The following RMP64 variants were observed in gnomAD, a reference collection of about 807,000 sequenced individuals.
The protein encoded by RMP64 is ribonuclease MRP subunit p64.
the RMP64 span, chr3:113,008,316 C>T: frequency 6.2e-7 from 1 of 1,614,114 alleles, no homozygotes; most frequent in South Asian, 1.1e-5. Flanking sequence ...AAGGACTCAG[C>T]CTCTCGGAAT....
chr3:113,013,516 G>A, the RMP64 span: 2 of 974,538 alleles, frequency 2.1e-6, no homozygotes, highest in Non-Finnish European at 3.0e-6. Flanking sequence ...ACAAAGGATT[G>A]AAACAAAGAG....
chr3:113,005,706 A>G, the RMP64 span: 1 of 1,614,070 alleles, frequency 6.2e-7, no homozygotes, highest in Non-Finnish European at 8.5e-7. Context: ...ACAGGCATTG[A>G]AACTCCACTA....
At chr3:113,010,683 A>ACATCAAAT in the RMP64 span, 1 of 1,613,632 alleles carries the variant, frequency 6.2e-7, no homozygotes, top group Non-Finnish European at 8.5e-7. Context: ...GAAAGCCCTC[A>ACATCAAAT]CATCAAATTC....
the RMP64 span, chr3:113,005,439 T>C: frequency 1.3e-6 from 1 of 759,570 alleles, no homozygotes; most frequent in South Asian, 1.7e-5. Flanking sequence ...GCAGCTCCTC[T>C]GTGAGTCCAG....
the RMP64 span, among the ~76,000 whole-genome samples, chr3:113,018,867 C>A: frequency 1.3e-5 from 2 of 152,298 alleles, no homozygotes; most frequent in East Asian, 3.9e-4. Flanking sequence ...ATGACTCCTT[C>A]AAGCTCCAGC....
the RMP64 span, chr3:113,013,953 T>C: frequency 1.1e-4 from 172 of 1,610,440 alleles, no homozygotes; most frequent in East Asian, 1.8e-4. Flanking sequence ...ACTTACTTAC[T>C]TGGAAGAAAA....
the RMP64 span, chr3:113,019,491 G>T: frequency 2.0e-6 from 3 of 1,470,524 alleles, no homozygotes; most frequent in Non-Finnish European, 2.8e-6. Flanking sequence ...GGCTGGGCCT[G>T]GCGGCCTCCC....
the RMP64 span, chr3:113,005,450 G>A: frequency 7.2e-6 from 6 of 829,310 alleles, no homozygotes; most frequent in Non-Finnish European, 1.2e-5. Context: ...GTGAGTCCAG[G>A]TGGTACTTCC....
chr3:113,015,258 C>T, the RMP64 span, among the ~76,000 whole-genome samples: 1 of 152,078 alleles, frequency 6.6e-6, no homozygotes, highest in Non-Finnish European at 1.5e-5. Context: ...TGAGTGCTTA[C>T]TGAACACTGT....
chr3:113,011,506 AGGTC>A, the RMP64 span: 1 of 1,067,912 alleles, frequency 9.4e-7, no homozygotes. Context: ...ATGGCTATCA[AGGTC>A]CTCCAGTACA....
the RMP64 span, chr3:113,011,641 A>G: frequency 8.9e-6 from 3 of 338,116 alleles, no homozygotes; most frequent in Non-Finnish European, 1.1e-5. Flanking sequence ...AGATATATAT[A>G]TATTCAAAAA....
chr3:113,008,062 C>A, the RMP64 span: 12 of 930,860 alleles, frequency 1.3e-5, no homozygotes, highest in Non-Finnish European at 2.0e-5. Flanking sequence ...CCCAATTTAG[C>A]CCCGCTGCGG....
the RMP64 span, chr3:113,005,714 C>T: frequency 6.2e-7 from 1 of 1,614,082 alleles, no homozygotes; most frequent in South Asian, 1.1e-5. Flanking sequence ...TGAAACTCCA[C>T]TATTCAAGAG....
chr3:113,008,469 T>C, the RMP64 span: 1 of 1,545,764 alleles, frequency 6.5e-7, no homozygotes, highest in South Asian at 1.1e-5. Flanking sequence ...ATTGGACATG[T>C]TACTGACTTG....
chr3:113,003,359 A>C, the RMP64 span: 39 of 152,142 alleles, frequency 2.6e-4, no homozygotes, highest in African/African-American at 8.2e-4. Context: ...AATAATAATA[A>C]TAATTCACTA....
chr3:113,005,959 G>A, the RMP64 span: 4 of 1,613,608 alleles, frequency 2.5e-6, no homozygotes, highest in African/African-American at 1.3e-5. Flanking sequence ...CACGAAGAAG[G>A]TGGTTGCAAA....
chr3:113,008,988 T>G, the RMP64 span, among the ~76,000 whole-genome samples: 1 of 152,162 alleles, frequency 6.6e-6, no homozygotes, highest in African/African-American at 2.4e-5. Context: ...TTCACTTATT[T>G]CCGTATCCTG....
At chr3:113,012,853 G>A in the RMP64 span, 1 of 1,169,732 alleles carries the variant, frequency 8.5e-7, no homozygotes, top group Non-Finnish European at 1.3e-6. Flanking sequence ...TCAAAGTAAT[G>A]TGGGTTTTGT....
the RMP64 span, chr3:113,004,851 T>C: frequency 6.6e-6 from 1 of 152,442 alleles, no homozygotes; most frequent in African/African-American, 2.4e-5. Context: ...AACCACCTTA[T>C]TGCCTTTTTG....
Sources: gnomAD v4.1 joint callset for allele counts (sites outside exome capture counted in the v4.1 genomes callset) on GRCh38, gnomAD v4.1.1 for gene constraint, MANE v1.5 for transcripts, NCBI Gene and HGNC (gene_info 2026-07-23, HGNC 2026-07-21) for gene names.